Variants in SLCO4A1 observed in about 807,000 individuals in gnomAD.
The protein encoded by SLCO4A1 is solute carrier organic anion transporter family member 4A1.
Under a neutral mutation model 64.6 loss-of-function variants are expected in SLCO4A1, and 51 were observed. That is an observed-to-expected ratio of 0.79 (90% CI 0.63 to 1.00). SLCO4A1 has a LOEUF of 1.00. SLCO4A1 is among the 50% of genes least tolerant of loss of function. SLCO4A1 has a pLI of 0.00. For synonymous variants in SLCO4A1, 471 were observed against 444.9 expected (o/e 1.06, Z -0.74); for missense variants, 919 against 980.5 (o/e 0.94, Z 0.84).
At position 62,658,441 on chromosome 20, in the gene SLCO4A1, G is replaced by A. The variant is rs558100559; in HGVS notation, c.797-236G>A. 3.9e-4 allele frequency among the ~76,000 whole-genome samples: 59 copies of A among 152,376 alleles called. 1 individual carries two copies. In the Middle Eastern group the frequency reaches 0.01, roughly 26 times the overall value. ...GGGCTTCGAGGGCCTTTGCCCTTTC[G>A]TAAGGGAAAGACAGTGCACTTGGCT... On this transcript the variant is annotated intron_variant, in intron 2 of 11. Coordinates refer to ENST00000217159, the MANE Select transcript of SLCO4A1 (RefSeq NM_016354.4).
chr20:62,652,680 C>T (rs1208104103), intron 1 of SLCO4A1, among the ~76,000 whole-genome samples: 1 of 152,222 alleles, frequency 6.6e-6, no homozygotes, highest in Admixed American at 6.5e-5. Context: ...TCTGACGCAG[C>T]AGGTCCCAAA....
In SLCO4A1 at chr20:62,661,042, A is replaced by AGCCCCCAGCCCCC; in HGVS notation, c.1010-20_1010-19insCCCCAGCCCCCGC. ...CCGGGAGCCCCCAGCCCCCAGCCCC[A>AGCCCCCAGCCCCC]GCTCACTCTGTGCCCTTCCAGGCTC... On this transcript the variant is annotated intron_variant, in intron 4 of 11. Coordinates refer to ENST00000217159, the MANE Select transcript of SLCO4A1 (RefSeq NM_016354.4). This position sits in a 1 kb window ranked among gnomAD's most constrained non-coding sequence, Gnocchi z 5.2. 3.8e-6 allele frequency: 1 copy of AGCCCCCAGCCCCC among 266,408 alleles called. No individual in the cohort carries two copies. The highest frequency in any genetic ancestry group is 2.5e-5 in the South Asian group (1 of 40,378). The allele number at this position is 266,408 out of a possible 1,614,324, so 16.5% of individuals were successfully genotyped here.
rs1245646598 is a variant in SLCO4A1 at position 62,672,073 on chromosome 20, G to A, written c.*180G>A. 1 of 1,480,374 alleles carries A rather than the reference G, an allele frequency of 6.8e-7. No individual in the cohort carries two copies. Among genetic ancestry groups the A allele is most frequent in the African/African-American group, 1.4e-5 (1 of 71,082 alleles). The allele number at this position is 1,480,374 out of a possible 1,614,324, so 91.7% of individuals were successfully genotyped here. On this transcript the variant is annotated 3_prime_UTR_variant, in exon 12 of 12. Transcript: ENST00000217159. ...AGAGCTGTACGGCCCTGCAGTGGGT[G>A]GGAGGAACTTGCATAAATATATATT...
chr20:62,666,620 C>A (rs1295754588), intron 7 of SLCO4A1, 45 bp downstream of exon 7: 2 of 1,534,992 alleles, frequency 1.3e-6, no homozygotes, highest in African/African-American at 1.4e-5. Context: ...GCCCCAAGCA[C>A]CCGCGGTCCC....
chr20:62,653,967 C>G (rs528603146), intron 1 of SLCO4A1, among the ~76,000 whole-genome samples: 1 of 152,098 alleles, frequency 6.6e-6, no homozygotes, highest in East Asian at 1.9e-4. Flanking sequence ...TGCAGCACAC[C>G]AACATGGCAC....
intron 1 of SLCO4A1, chr20:62,643,242 C>CAG (rs1980720005): frequency 2.9e-6 from 1 of 339,918 alleles, no homozygotes; most frequent in Non-Finnish European, 5.9e-6. Flanking sequence ...CAGGTGCAGG[C>CAG]AGAGGGTCGG....
intron 3 of SLCO4A1, among the ~76,000 whole-genome samples, chr20:62,659,478 G>A (rs1301930399): frequency 3.3e-5 from 5 of 152,204 alleles, no homozygotes; most frequent in African/African-American, 1.2e-4. Context: ...TCTTACAAAA[G>A]CCCCTCTGGC....
chr20:62,672,845 C>T (rs35491463), downstream of SLCO4A1, among the ~76,000 whole-genome samples: 27,188 of 151,794 alleles, frequency 0.18, 2,858 homozygotes, highest in Non-Finnish European at 0.24. Context: ...CCTTCCCACT[C>T]GCTGAGCCCT....
intron 9 of SLCO4A1, 96 bp from the exon 10 acceptor site, chr20:62,668,381 T>C: frequency 7.4e-7 from 1 of 1,360,258 alleles, no homozygotes; most frequent in Middle Eastern, 1.9e-4. Flanking sequence ...GGTGATGATG[T>C]GGCTGGGGAC....
At chr20:62,649,315 A>G (rs1484712877) in intron 1 of SLCO4A1, 1 of 152,228 alleles carries the variant, frequency 6.6e-6, no homozygotes, top group African/African-American at 2.4e-5. Flanking sequence ...TAGGCCCCCA[A>G]CTGATTGGAC....
chr20:62,671,267 G>A (rs2147107461), intron 11 of SLCO4A1, among the ~76,000 whole-genome samples: 1 of 152,342 alleles, frequency 6.6e-6, no homozygotes, highest in Non-Finnish European at 1.5e-5. Context: ...TCGCTTGCAG[G>A]TGGGGGCAGG....
intron 5 of SLCO4A1, among the ~76,000 whole-genome samples, chr20:62,662,761 G>T (rs140411428): frequency 0.01 from 1,285 of 125,900 alleles, 20 homozygotes; most frequent in African/African-American, 0.037. Flanking sequence ...CATATGCCAG[G>T]ACCCCCCCAG....
downstream of SLCO4A1, among the ~76,000 whole-genome samples, chr20:62,687,645 A>G (rs561455808): frequency 1.8e-4 from 28 of 152,336 alleles, no homozygotes; most frequent in African/African-American, 4.8e-4. Flanking sequence ...CTCTCCAGCC[A>G]GACTCTGCGC....
chr20:62,688,264 A>T (rs1183501105), downstream of SLCO4A1, among the ~76,000 whole-genome samples: 1 of 152,078 alleles, frequency 6.6e-6, no homozygotes, highest in Non-Finnish European at 1.5e-5. Context: ...CCCTACGAGA[A>T]CACCTCGCCC....
In SLCO4A1 at chr20:62,645,688, C is replaced by T. The variant is rs534490595; in HGVS notation, c.-97+3135C>T. ...AACCACGTGCCTTCTGCAGAAGCCG[C>T]TCCCCACGTAGCCCAAGCGTAGGGT... On this transcript the variant is annotated intron_variant, in intron 1 of 11. Coordinates refer to ENST00000217159, the MANE Select transcript of SLCO4A1 (RefSeq NM_016354.4). This position sits in a 1 kb window ranked among gnomAD's most constrained non-coding sequence, Gnocchi z 4.2. 1.3e-5 allele frequency among the ~76,000 whole-genome samples: 2 copies of T among 152,172 alleles called. No homozygotes were observed. The highest frequency in any genetic ancestry group is 1.3e-4 in the Admixed American group (2 of 15,294).
intron 2 of SLCO4A1, 58 bp from the exon 3 acceptor site, chr20:62,658,619 G>A (rs906533607): frequency 1.4e-6 from 2 of 1,423,660 alleles, no homozygotes; most frequent in Non-Finnish European, 1.9e-6. Flanking sequence ...GCCCCACACG[G>A]CCCTCCGCAG....
chr20:62,660,068 G>A (rs1984477745), intron 3 of SLCO4A1, among the ~76,000 whole-genome samples: 1 of 149,860 alleles, frequency 6.7e-6, no homozygotes, highest in African/African-American at 2.5e-5. Flanking sequence ...GCACTGTGGG[G>A]AGGGATGCCT....
At chr20:62,671,364 C>T in intron 11 of SLCO4A1, among the ~76,000 whole-genome samples, 1 of 152,122 alleles carries the variant, frequency 6.6e-6, no homozygotes, top group Non-Finnish European at 1.5e-5. Context: ...TCCTTTCTCT[C>T]ATGAGGACAC....
At chr20:62,655,703 G>A (rs1038937578) in intron 1 of SLCO4A1, among the ~76,000 whole-genome samples, 2 of 152,212 alleles carry the variant, frequency 1.3e-5, no homozygotes, top group Non-Finnish European at 2.9e-5. Flanking sequence ...CCCAGCAGCG[G>A]CCGGAGCTTG....
Sources: allele counts gnomAD v4.1 joint callset (sites outside exome capture counted in the v4.1 genomes callset), GRCh38; gene constraint gnomAD v4.1.1; non-coding constraint Gnocchi (gnomAD v3.1); transcripts MANE v1.5; gene names NCBI Gene and HGNC (gene_info 2026-07-23, HGNC 2026-07-21).